Variants in AGBL4 observed in about 807,000 individuals in gnomAD.
AGBL4 encodes AGBL carboxypeptidase 4.
Under a neutral mutation model 66.4 loss-of-function variants are expected in AGBL4, and 58 were observed. That is an observed-to-expected ratio of 0.87 (90% CI 0.71 to 1.09). AGBL4 has a LOEUF of 1.09. Among genes scored for constraint, AGBL4 ranks in the 50% least tolerant of loss-of-function variants. The pLI is 0.00. For synonymous variants in AGBL4, 234 were observed against 222.9 expected (o/e 1.05, Z -0.44); for missense variants, 579 against 631.0 (o/e 0.92, Z 0.88).
At chr1:49,846,818 C>T (rs747899584) in intron 2 of AGBL4, among the ~76,000 whole-genome samples, 3 of 152,080 alleles carry the variant, frequency 2.0e-5, no homozygotes, top group Non-Finnish European at 4.4e-5. Flanking sequence ...ACTCATGGAG[C>T]AGAAGAATTA....
At chr1:49,444,657 A>G (rs898516212) in intron 3 of AGBL4, among the ~76,000 whole-genome samples, 6 of 151,732 alleles carry the variant, frequency 4.0e-5, no homozygotes, top group Non-Finnish European at 2.9e-5. Flanking sequence ...CTTCTAGTCT[A>G]TATGCATTTT....
chr1:49,726,524 G>C (rs1479623542), intron 2 of AGBL4, among the ~76,000 whole-genome samples: 3 of 152,166 alleles, frequency 2.0e-5, no homozygotes, highest in Admixed American at 2.0e-4. Flanking sequence ...AGCAGTGGCA[G>C]TGTGAATGAT....
At chr1:49,542,203 T>A (rs1252447889) in intron 3 of AGBL4, among the ~76,000 whole-genome samples, 2 of 152,140 alleles carry the variant, frequency 1.3e-5, no homozygotes, top group African/African-American at 4.8e-5. Context: ...TGGGGCCAGA[T>A]AAGGGAATAA....
chr1:49,148,599 G>A (rs1283330924), intron 4 of AGBL4, among the ~76,000 whole-genome samples: 1 of 152,162 alleles, frequency 6.6e-6, no homozygotes, highest in Non-Finnish European at 1.5e-5. Context: ...TGGGCTGGCT[G>A]TGCAGTCCAA....
At chr1:48,593,924 C>A (rs1569929017) in intron 9 of AGBL4, among the ~76,000 whole-genome samples, 1 of 152,092 alleles carries the variant, frequency 6.6e-6, no homozygotes, top group Admixed American at 6.5e-5. Flanking sequence ...TGATATTTGC[C>A]AATTTGATGG....
intron 6 of AGBL4, among the ~76,000 whole-genome samples, chr1:48,717,347 T>C (rs1647068926): frequency 6.6e-6 from 1 of 152,206 alleles, no homozygotes; most frequent in East Asian, 1.9e-4. Context: ...CCATAATAGG[T>C]TTTGCACATT....
intron 1 of AGBL4, among the ~76,000 whole-genome samples, chr1:49,982,842 G>A (rs1212779785): frequency 6.6e-6 from 1 of 152,096 alleles, no homozygotes; most frequent in African/African-American, 2.4e-5. Flanking sequence ...CTATGGAGAG[G>A]AGCTACCCAC....
At chr1:49,938,916 C>A (rs1488980726) in intron 1 of AGBL4, among the ~76,000 whole-genome samples, 1 of 151,988 alleles carries the variant, frequency 6.6e-6, no homozygotes, top group Non-Finnish European at 1.5e-5. Context: ...CAAATTGTCC[C>A]TCTTTGCAGA....
At chr1:49,135,298 A>C (rs1049047649) in intron 4 of AGBL4, among the ~76,000 whole-genome samples, 3 of 152,154 alleles carry the variant, frequency 2.0e-5, no homozygotes, top group Non-Finnish European at 4.4e-5. Flanking sequence ...AACAGCAAAA[A>C]CCCAGAGTAT....
chr1:48,613,071 T>C (rs911035497), intron 9 of AGBL4, among the ~76,000 whole-genome samples: 1 of 151,826 alleles, frequency 6.6e-6, no homozygotes, highest in Non-Finnish European at 1.5e-5. Context: ...GAGGCGGAGG[T>C]TGCAGTGAAC....
chr1:48,956,476 C>T (rs980363460), intron 5 of AGBL4, among the ~76,000 whole-genome samples: 7 of 152,148 alleles, frequency 4.6e-5, no homozygotes, highest in Non-Finnish European at 7.4e-5. Context: ...TTAAAAGAAC[C>T]TCATACCTTT....
chr1:49,146,837 T>A (rs144693153), intron 4 of AGBL4, among the ~76,000 whole-genome samples: 1 of 152,322 alleles, frequency 6.6e-6, no homozygotes, highest in East Asian at 1.9e-4. Flanking sequence ...TCCATCATCA[T>A]TACAGCCAAC....
At position 48,767,663 on chromosome 1, in the gene AGBL4, C is replaced by G. The variant is rs75688446; in HGVS notation, c.634+99528G>C. Among the ~76,000 whole-genome samples, 3 of 152,282 alleles carry G rather than the reference C, an allele frequency of 2.0e-5. No homozygotes were observed. The East Asian group carries it at 5.8e-4, about 29-fold the overall frequency. ...GAATTCCAAGAAACCACAGAAGAAA[C>G]TAGGAAGGATGAAAAAGCTCTTTAC... is the stretch of plus-strand genomic sequence containing the variant. On this transcript the variant is annotated intron_variant, in intron 6 of 13. Coordinates refer to ENST00000371839, the MANE Select transcript of AGBL4 (RefSeq NM_032785.4).
intron 3 of AGBL4, among the ~76,000 whole-genome samples, chr1:49,564,198 C>T (rs190263738): frequency 2.4e-4 from 36 of 151,852 alleles, no homozygotes; most frequent in Admixed American, 2.2e-3. Flanking sequence ...ATTATTCTCT[C>T]TTTTCTTTAT....
intron 6 of AGBL4, among the ~76,000 whole-genome samples, chr1:48,802,919 C>A (rs1249332239): frequency 6.6e-6 from 1 of 152,216 alleles, no homozygotes; most frequent in East Asian, 1.9e-4. Context: ...CTGGTTCCAA[C>A]CCTCAGCATC....
chr1:49,847,553 A>G (rs549212389), intron 2 of AGBL4, among the ~76,000 whole-genome samples: 1 of 152,194 alleles, frequency 6.6e-6, no homozygotes, highest in Non-Finnish European at 1.5e-5. Flanking sequence ...CAATTTTTAC[A>G]AAAATGTCAC....
intron 3 of AGBL4, among the ~76,000 whole-genome samples, chr1:49,644,067 G>C (rs1392474257): frequency 6.6e-6 from 1 of 151,610 alleles, no homozygotes; most frequent in Non-Finnish European, 1.5e-5. Flanking sequence ...TGGAGTGAGA[G>C]GGGGAAATGG....
intron 2 of AGBL4, among the ~76,000 whole-genome samples, chr1:49,791,350 T>G (rs964195698): frequency 3.9e-5 from 6 of 152,116 alleles, no homozygotes; most frequent in Non-Finnish European, 7.4e-5. Context: ...TACATATATA[T>G]GTTAGACACC....
At chr1:49,106,388 T>C (rs540553274) in intron 4 of AGBL4, among the ~76,000 whole-genome samples, 1 of 152,308 alleles carries the variant, frequency 6.6e-6, no homozygotes, top group Non-Finnish European at 1.5e-5. Flanking sequence ...CTGAGTATGT[T>C]CATTTTGAAT....
Sources: allele counts gnomAD v4.1 joint callset (sites outside exome capture counted in the v4.1 genomes callset), GRCh38; gene constraint gnomAD v4.1.1; transcripts MANE v1.5; gene names NCBI Gene and HGNC (gene_info 2026-07-23, HGNC 2026-07-21).